The following CDS2 variants were observed in gnomAD, a reference collection of about 807,000 sequenced individuals.
The protein encoded by CDS2 is CDP-diacylglycerol synthase 2.
Under a neutral mutation model 59.0 loss-of-function variants are expected in CDS2, and 47 were observed. The observed-to-expected ratio is 0.80, with a 90% CI of 0.63 to 1.02. The LOEUF (loss-of-function observed/expected upper bound fraction) is 1.02. Among genes scored for constraint, CDS2 ranks in the 50% least tolerant of loss-of-function variants. CDS2 has a pLI of 0.00. For synonymous variants in CDS2, 207 were observed against 206.4 expected (o/e 1.00, Z -0.02); for missense variants, 356 against 558.9 (o/e 0.64, Z 3.66).
intron 1 of CDS2, among the ~76,000 whole-genome samples, chr20:5,146,595 C>A (rs1174820707): frequency 1.3e-5 from 2 of 152,140 alleles, no homozygotes; most frequent in African/African-American, 4.8e-5. Context: ...TTATAAAATA[C>A]ATTTGCTATT....
chr20:5,145,439 G>A (rs1043656665), intron 1 of CDS2, among the ~76,000 whole-genome samples: 4 of 152,116 alleles, frequency 2.6e-5, no homozygotes, highest in Non-Finnish European at 5.9e-5. Context: ...AGTTGTTTCA[G>A]TGTACAGACC....
chr20:5,168,547 TG>T, intron 1 of CDS2: 1 of 508,494 alleles, frequency 2.0e-6, no homozygotes, highest in Non-Finnish European at 3.9e-6. Context: ...CACACTTTTT[TG>T]GGTCAAACAC....
In CDS2 at chr20:5,143,957, G is replaced by T. The variant is rs890104406; in HGVS notation, c.57+16808G>T. On this transcript the variant is annotated intron_variant, in intron 1 of 12. Transcript: ENST00000460006. ...TTTTTGTATTTTTTGTAGAGACAGG[G>T]TTTTCCCATGTTGGCCAGGCTGGTC... is the stretch of plus-strand genomic sequence containing the variant. Among the ~76,000 whole-genome samples the T allele has an allele frequency of 8.6e-5, 13 of 151,860 alleles. 1 individual carries two copies. Among genetic ancestry groups the T allele is most frequent in the African/African-American group, 2.7e-4 (11 of 41,348 alleles).
intron 1 of CDS2, among the ~76,000 whole-genome samples, chr20:5,159,000 C>A (rs2123010408): frequency 6.6e-6 from 1 of 152,234 alleles, no homozygotes; most frequent in African/African-American, 2.4e-5. Flanking sequence ...TTGCTTTAAC[C>A]CATGTGTCTT....
At chr20:5,176,408 T>C in intron 3 of CDS2, 1 of 449,254 alleles carries the variant, frequency 2.2e-6, no homozygotes, top group Non-Finnish European at 4.0e-6. Flanking sequence ...AAAAAGTTAA[T>C]TGAAACATCA....
chr20:5,181,687 G>A (rs994554949), intron 5 of CDS2, among the ~76,000 whole-genome samples: 1 of 152,194 alleles, frequency 6.6e-6, no homozygotes, highest in African/African-American at 2.4e-5. Context: ...ACATTGTAGA[G>A]TGTACTTATG....
intron 2 of CDS2, 129 bp downstream of exon 2, chr20:5,173,788 A>T: frequency 9.5e-7 from 1 of 1,052,404 alleles, no homozygotes; most frequent in Non-Finnish European, 1.4e-6. Flanking sequence ...CTCCCATGCC[A>T]CTGCTCCAGG....
intron 5 of CDS2, 130 bp from the exon 6 acceptor site, chr20:5,182,257 G>A: frequency 1.6e-6 from 1 of 612,866 alleles, no homozygotes; most frequent in Non-Finnish European, 2.7e-6. Flanking sequence ...TCTCCCCTGG[G>A]CTTTGACATT....
At chr20:5,136,651 A>G (rs2090652170) in intron 1 of CDS2, among the ~76,000 whole-genome samples, 2 of 151,998 alleles carry the variant, frequency 1.3e-5, no homozygotes, top group South Asian at 4.1e-4. Flanking sequence ...CTCCTAATCC[A>G]TCTTGTTCTT....
At chr20:5,189,534 T>C (rs372653778) in intron 11 of CDS2, among the ~76,000 whole-genome samples, 71 of 152,322 alleles carry the variant, frequency 4.7e-4, no homozygotes, top group African/African-American at 1.6e-3. Flanking sequence ...CTCCTGTCTT[T>C]ATTAAGTAAA....
intron 1 of CDS2, among the ~76,000 whole-genome samples, chr20:5,164,177 C>T (rs1408031915): frequency 6.6e-6 from 1 of 152,082 alleles, no homozygotes; most frequent in African/African-American, 2.4e-5. Flanking sequence ...ATACTAGTTT[C>T]TCCCTTGAAT....
chr20:5,170,486 C>T (rs947592706), intron 1 of CDS2, among the ~76,000 whole-genome samples: 22 of 152,338 alleles, frequency 1.4e-4, no homozygotes, highest in African/African-American at 3.1e-4. Flanking sequence ...GTTTCTGTTC[C>T]CTTTGGCGTC....
intron 1 of CDS2, among the ~76,000 whole-genome samples, chr20:5,135,207 C>T (rs542713604): frequency 1.1e-4 from 17 of 152,172 alleles, no homozygotes; most frequent in Non-Finnish European, 1.8e-4. Flanking sequence ...GCTGGTACAG[C>T]GTGAGCCACC....
chr20:5,171,202 G>A (rs1168331113), intron 1 of CDS2, among the ~76,000 whole-genome samples: 1 of 152,236 alleles, frequency 6.6e-6, no homozygotes, highest in Non-Finnish European at 1.5e-5. Flanking sequence ...TCTTAGCACG[G>A]AGCTGGAGCT....
chr20:5,152,081 A>T (rs6085014), intron 1 of CDS2, among the ~76,000 whole-genome samples: 15 of 33,652 alleles, frequency 4.5e-4, no homozygotes, highest in Admixed American at 8.1e-4. Flanking sequence ...ATGGCTTTTT[A>T]AAAAAAAAAA....
intron 1 of CDS2, among the ~76,000 whole-genome samples, chr20:5,144,005 T>G (rs149561677): frequency 0.016 from 2,365 of 152,190 alleles, 27 homozygotes; most frequent in South Asian, 0.037. Context: ...CCTCAAGTGA[T>G]CCGCCCACCT....
At chr20:5,174,339 T>G (rs1173175108) in intron 2 of CDS2, among the ~76,000 whole-genome samples, 1 of 152,184 alleles carries the variant, frequency 6.6e-6, no homozygotes, top group Non-Finnish European at 1.5e-5. Context: ...AGATCCCAGC[T>G]TTACTGTTTG....
chr20:5,128,533 T>G (rs2090575699), intron 1 of CDS2: 1 of 152,234 alleles, frequency 6.6e-6, no homozygotes, highest in Non-Finnish European at 1.5e-5. Flanking sequence ...TAATCCTAGC[T>G]TCTAGGGAGG....
In CDS2 at chr20:5,186,773, G is replaced by A. The variant is rs1446073352; in HGVS notation, c.915G>A (p.Glu305=). The part of the protein sequence containing the change: ...NDTNSFTVDC[E]PSDLFRLQEY... ...CCAACAGCTTCACTGTGGACTGTGAGCCCTCGGACCTGTTTCGCCTGCAGG... is the reference window on the plus strand; with the variant it reads ...CCAACAGCTTCACTGTGGACTGTGAACCCTCGGACCTGTTTCGCCTGCAGG... Residue 305 remains glutamate, a synonymous_variant, in exon 10 of 13, where the codon GAG becomes GAA. Coordinates refer to ENST00000460006, the MANE Select transcript of CDS2 (RefSeq NM_003818.4). 2 of 1,614,162 alleles carry A rather than the reference G, an allele frequency of 1.2e-6. No individual in the cohort carries two copies. Among genetic ancestry groups the A allele is most frequent in the Admixed American group, 3.3e-5 (2 of 60,028 alleles).
Sources: gnomAD v4.1 joint callset for allele counts (sites outside exome capture counted in the v4.1 genomes callset) on GRCh38, gnomAD v4.1.1 for gene constraint, MANE v1.5 for transcripts, NCBI Gene and HGNC (gene_info 2026-07-23, HGNC 2026-07-21) for gene names.